Variants in PDE1A observed in about 807,000 individuals in gnomAD.
PDE1A encodes phosphodiesterase 1A.
In PDE1A, 35 loss-of-function variants were observed where a neutral mutation model predicts 61.7. That is an observed-to-expected ratio of 0.57 (90% confidence interval 0.43 to 0.75). The LOEUF (loss-of-function observed/expected upper bound fraction) is 0.75, where lower values mean the gene tolerates loss of function less well. PDE1A is among the 30% of genes least tolerant of loss of function. The pLI, the probability that PDE1A is intolerant of heterozygous loss-of-function variation, is 0.00. For missense variants in PDE1A, 597 were observed against 630.6 expected (o/e 0.95, Z 0.57); for synonymous variants, 232 against 213.2 (o/e 1.09, Z -0.77).
At chr2:182,279,784 G>T (rs956720376) in intron 1 of PDE1A, among the ~76,000 whole-genome samples, 1 of 151,598 alleles carries the variant, frequency 6.6e-6, no homozygotes, top group African/African-American at 2.4e-5. Flanking sequence ...ATAAAAATTA[G>T]CAGTTTCTTC....
intron 1 of PDE1A, among the ~76,000 whole-genome samples, chr2:182,360,603 T>C (rs1356998720): frequency 2.0e-5 from 3 of 151,444 alleles, no homozygotes; most frequent in African/African-American, 7.3e-5. Context: ...CCAGGGCCTA[T>C]GACGCATGTA....
intron 1 of PDE1A, among the ~76,000 whole-genome samples, chr2:182,410,838 C>T (rs1339511311): frequency 1.3e-5 from 2 of 152,152 alleles, no homozygotes; most frequent in African/African-American, 4.8e-5. Context: ...TCCCTTTGTG[C>T]CTATCCATGC....
chr2:182,608,838 T>G, the PDE1A span, among the ~76,000 whole-genome samples: 1 of 152,242 alleles, frequency 6.6e-6, no homozygotes. Flanking sequence ...CGGGATCCAC[T>G]GGGTGAAGCC....
chr2:182,151,017 C>T (rs541731487), intron 13 of PDE1A, among the ~76,000 whole-genome samples: 12 of 152,298 alleles, frequency 7.9e-5, no homozygotes, highest in African/African-American at 2.9e-4. Flanking sequence ...ACTTTGTGAA[C>T]ACCAACTAGG....
At chr2:182,499,614 C>T (rs1195103143) in intron 2 of PDE1A, among the ~76,000 whole-genome samples, 1 of 152,164 alleles carries the variant, frequency 6.6e-6, no homozygotes, top group Non-Finnish European at 1.5e-5. Context: ...AAAAAGAAGA[C>T]TGAAAGGCCT....
chr2:182,201,695 G>T, exon 9 of PDE1A: 3 of 1,594,836 alleles, frequency 1.9e-6, no homozygotes, highest in Admixed American at 1.8e-5. Flanking sequence ...TACCCTTCAG[G>T]CTGCTGCAAA....
At chr2:182,404,488 G>A (rs2125473174) in intron 1 of PDE1A, among the ~76,000 whole-genome samples, 1 of 152,146 alleles carries the variant, frequency 6.6e-6, no homozygotes, top group East Asian at 1.9e-4. Context: ...TTTTCTTACT[G>A]TAACTGTTTC....
chr2:182,464,810 T>C (rs1686544544), intron 2 of PDE1A, among the ~76,000 whole-genome samples: 1 of 152,024 alleles, frequency 6.6e-6, no homozygotes, highest in African/African-American at 2.4e-5. Context: ...ATAGGAATCT[T>C]GCTCAAGTCA....
chr2:182,505,809 T>G (rs1397215820), intron 2 of PDE1A, among the ~76,000 whole-genome samples: 2 of 152,172 alleles, frequency 1.3e-5, no homozygotes, highest in Non-Finnish European at 2.9e-5. Flanking sequence ...GTCAAGAGAA[T>G]GGATACAGGA....
chr2:182,589,009 C>T, the PDE1A span, among the ~76,000 whole-genome samples: 1 of 150,036 alleles, frequency 6.7e-6, no homozygotes, highest in African/African-American at 2.4e-5. Flanking sequence ...CACCATTGCA[C>T]TCCAGCCTGG....
intron 1 of PDE1A, among the ~76,000 whole-genome samples, chr2:182,373,757 A>G (rs1164841528): frequency 6.6e-6 from 1 of 152,216 alleles, no homozygotes; most frequent in Non-Finnish European, 1.5e-5. Flanking sequence ...GCTTGTTTAA[A>G]GGCAGAAGAA....
chr2:182,466,493 T>C (rs1686677029), intron 2 of PDE1A, among the ~76,000 whole-genome samples: 1 of 152,056 alleles, frequency 6.6e-6, no homozygotes, highest in South Asian at 2.1e-4. Context: ...GGCATGGTCC[T>C]ACAAATGTGA....
intron 1 of PDE1A, among the ~76,000 whole-genome samples, chr2:182,330,647 C>A (rs1697344419): frequency 6.6e-6 from 1 of 152,120 alleles, no homozygotes; most frequent in South Asian, 2.1e-4. Flanking sequence ...CCTCTGAACC[C>A]ACGGCAATCC....
At chr2:182,488,326 G>A (rs1688156692) in intron 2 of PDE1A, among the ~76,000 whole-genome samples, 2 of 152,018 alleles carry the variant, frequency 1.3e-5, no homozygotes, top group Admixed American at 1.3e-4. Flanking sequence ...ATTTACCAAG[G>A]GCTACAGTGG....
chr2:182,201,482 T>G, exon 10 of PDE1A: 2 of 1,613,990 alleles, frequency 1.2e-6, no homozygotes, highest in Non-Finnish European at 1.7e-6. Context: ...CCACCGATAA[T>G]GCAGCTTCCA....
At chr2:182,172,519 A>G (rs3769810) in intron 13 of PDE1A, among the ~76,000 whole-genome samples, 31,145 of 151,944 alleles carry the variant, frequency 0.2, 3,417 homozygotes, top group East Asian at 0.33. Context: ...CCAAAGCAGA[A>G]TGCCAGAACC....
chr2:182,279,314 C>T (rs1246375856), intron 1 of PDE1A, among the ~76,000 whole-genome samples: 5 of 151,798 alleles, frequency 3.3e-5, no homozygotes, highest in Admixed American at 2.6e-4. Flanking sequence ...CCAAAGCATC[C>T]CAGCACCATA....
At chr2:182,668,715 G>A in the PDE1A span, among the ~76,000 whole-genome samples, 1 of 152,126 alleles carries the variant, frequency 6.6e-6, no homozygotes, top group East Asian at 1.9e-4. Flanking sequence ...TCAGCAGCCA[G>A]CTCTTCGGCT....
chr2:182,301,454 T>A (rs1695237305), intron 1 of PDE1A, among the ~76,000 whole-genome samples: 1 of 152,174 alleles, frequency 6.6e-6, no homozygotes, highest in Non-Finnish European at 1.5e-5. Context: ...GGGTGATGTG[T>A]GCTTCCCATG....
Sources: allele counts gnomAD v4.1 joint callset (sites outside exome capture counted in the v4.1 genomes callset), GRCh38; gene constraint gnomAD v4.1.1; transcripts MANE v1.5; gene names NCBI Gene and HGNC (gene_info 2026-07-23, HGNC 2026-07-21).